The following DNAAF9 variants were observed in gnomAD, a reference collection of about 807,000 sequenced individuals.
DNAAF9 encodes the protein shulin.
In DNAAF9, 90 loss-of-function variants were observed where a neutral mutation model predicts 167.0. The ratio of observed to expected loss-of-function variants is 0.54; its 90% CI spans 0.45 to 0.64. The LOEUF is 0.64. Ranked by LOEUF, DNAAF9 falls within the 30% of genes least tolerant of loss-of-function variation. The pLI is 0.00. For missense variants in DNAAF9, 1,315 were observed against 1,442.2 expected (o/e 0.91, Z 1.43); for synonymous variants, 491 against 508.8 (o/e 0.96, Z 0.47).
At chr20:3,376,926 G>A (rs867132738) in intron 3 of DNAAF9, among the ~76,000 whole-genome samples, 27 of 152,220 alleles carry the variant, frequency 1.8e-4, no homozygotes, top group Admixed American at 7.8e-4. Context: ...AAAATTAGCC[G>A]GGTGTGGTGG....
At chr20:3,318,177 C>G in intron 17 of DNAAF9, 112 bp downstream of exon 17, 3 of 502,584 alleles carry the variant, frequency 6.0e-6, no homozygotes, top group Admixed American at 6.8e-5. Flanking sequence ...ATCATCAGTT[C>G]TAATATTTTT....
At chr20:3,343,796 C>A in intron 8 of DNAAF9, 65 bp from the exon 9 acceptor site, 1 of 1,229,082 alleles carries the variant, frequency 8.1e-7, no homozygotes, top group South Asian at 1.2e-5. Flanking sequence ...TAAAACCCCT[C>A]ACATATGTAT....
Position 3,304,589 on chromosome 20 carries a change from G to A in DNAAF9, c.1679-46C>T, listed in dbSNP as rs747076565. ...GTCAGAGCTGGAGGGCTGGGTGCTG[G>A]GGGTCAGATTCCAATGTCCTCTTGT... On this transcript the variant is annotated intron_variant, in intron 20 of 36. Transcript: ENST00000252032. 7 of 858,374 alleles carry A rather than the reference G, an allele frequency of 8.2e-6. No homozygotes were observed. The South Asian group carries it at 9.6e-5, about 12-fold the overall frequency. 53.2% of individuals were successfully genotyped at this position (858,374 alleles called of 1,614,324 possible). A position where few individuals can be genotyped will look rare whatever the true frequency, so the allele number is the denominator to read the frequency against.
intron 6 of DNAAF9, among the ~76,000 whole-genome samples, chr20:3,370,615 G>A (rs1022834438): frequency 1.3e-5 from 2 of 151,932 alleles, no homozygotes; most frequent in Non-Finnish European, 2.9e-5. Context: ...TCACCATGTT[G>A]GCCAGGACGG....
In DNAAF9 at chr20:3,387,884, T is replaced by TAAAAAAAAA. The variant is rs557861791; in HGVS notation, c.84-5387_84-5379dup. 4.2e-3 allele frequency among the ~76,000 whole-genome samples: 371 copies of TAAAAAAAAA among 87,320 alleles called. 25 individuals carry two copies. Among genetic ancestry groups the TAAAAAAAAA allele is most frequent in the African/African-American group, 0.014 (300 of 20,750 alleles). The allele number at this position is 87,320 out of a possible 152,430, so 57.3% of individuals were successfully genotyped here. A position where few individuals can be genotyped will look rare whatever the true frequency, so the allele number is the denominator to read the frequency against. Reference sequence around the variant, plus strand: ...AGGGAGACCCTGTCTCTACAAAAAGTAAAAAAAAAAAAAAAAAAAAAAAAA... The same window carrying TAAAAAAAAA: ...AGGGAGACCCTGTCTCTACAAAAAGTAAAAAAAAAAAAAAAAAAAAAAAAAAAAAAAAAA... On this transcript the variant is annotated intron_variant, in intron 1 of 36. Coordinates refer to ENST00000252032, the MANE Select transcript of DNAAF9 (RefSeq NM_001009984.3).
chr20:3,290,055 T>C, intron 26 of DNAAF9, 74 bp downstream of exon 26: 1 of 920,940 alleles, frequency 1.1e-6, no homozygotes, highest in Non-Finnish European at 1.8e-6. Context: ...AGTACATGTC[T>C]AAGGTTTTCC....
chr20:3,398,398 T>C (rs1220644389), intron 1 of DNAAF9, among the ~76,000 whole-genome samples: 1 of 152,158 alleles, frequency 6.6e-6, no homozygotes, highest in Non-Finnish European at 1.5e-5. Flanking sequence ...TTAAATCCTT[T>C]GAGTTGGATT....
intron 11 of DNAAF9, among the ~76,000 whole-genome samples, chr20:3,331,250 ATGTTTT>A (rs1156457339): frequency 1.3e-5 from 2 of 152,138 alleles, no homozygotes; most frequent in Non-Finnish European, 2.9e-5. Context: ...AGGTTCTGGA[ATGTTTT>A]TGTTTTTATT....
At chr20:3,310,681 T>C (rs1324867851) in intron 20 of DNAAF9, among the ~76,000 whole-genome samples, 2 of 139,492 alleles carry the variant, frequency 1.4e-5, no homozygotes, top group Non-Finnish European at 3.1e-5. Flanking sequence ...TGAGACTTAG[T>C]CTCAAGAAAA....
intron 10 of DNAAF9, among the ~76,000 whole-genome samples, chr20:3,337,005 A>G (rs2069969483): frequency 6.9e-6 from 1 of 145,548 alleles, no homozygotes; most frequent in African/African-American, 2.6e-5. Flanking sequence ...TCAGCCTCCC[A>G]AGTAGCTGGG....
At chr20:3,327,539 T>TA (rs1273333371) in intron 12 of DNAAF9, among the ~76,000 whole-genome samples, 2 of 152,132 alleles carry the variant, frequency 1.3e-5, no homozygotes, top group South Asian at 2.1e-4. Flanking sequence ...AGGTCTCACC[T>TA]AAAAATGTGT....
chr20:3,388,078 A>AAAAAG (rs1438604404), intron 1 of DNAAF9, among the ~76,000 whole-genome samples: 1 of 151,384 alleles, frequency 6.6e-6, no homozygotes, highest in Non-Finnish European at 1.5e-5. Context: ...AAAAAAAAAA[A>AAAAAG]AAAAGAAAAG....
chr20:3,381,541 G>C lies in DNAAF9; in HGVS notation c.164-43C>G. 6 of 1,575,032 alleles carry C rather than the reference G, an allele frequency of 3.8e-6. No homozygotes were observed. In the East Asian group the frequency reaches 1.1e-4, roughly 30 times the overall value. On this transcript the variant is annotated intron_variant, in intron 2 of 36. Coordinates refer to ENST00000252032, the MANE Select transcript of DNAAF9 (RefSeq NM_001009984.3). ...CTCTGATCAGCTGTACCATACTACA[G>C]GGAGCAAATGAGCCAATAATTTGCC...
At chr20:3,404,103 C>T (rs2084023955) in intron 1 of DNAAF9, among the ~76,000 whole-genome samples, 1 of 152,230 alleles carries the variant, frequency 6.6e-6, no homozygotes, top group Non-Finnish European at 1.5e-5. Flanking sequence ...GATCTTGGCT[C>T]ACTGCAACCT....
At chr20:3,336,632 C>T (rs2123098884) in intron 10 of DNAAF9, among the ~76,000 whole-genome samples, 1 of 152,202 alleles carries the variant, frequency 6.6e-6, no homozygotes. Flanking sequence ...TCACTGCAGC[C>T]TCTGCCACCC....
chr20:3,343,915 T>A (rs563753613), intron 8 of DNAAF9, among the ~76,000 whole-genome samples, 184 bp from the exon 9 acceptor site: 1 of 152,164 alleles, frequency 6.6e-6, no homozygotes, highest in Non-Finnish European at 1.5e-5. Flanking sequence ...GAGAGATGTT[T>A]GTAGATTATT....
Position 3,361,333 on chromosome 20 carries a change from GA to G in DNAAF9, c.613-1741del, listed in dbSNP as rs375320821. ...GAGTGGAGGAGTGTGGGGACAGGATGATGGCTTGGAAGGGGCATCATTTAAG... is the reference window on the plus strand; with the variant it reads ...GAGTGGAGGAGTGTGGGGACAGGATGTGGCTTGGAAGGGGCATCATTTAAG... On this transcript the variant is annotated intron_variant, in intron 6 of 36. Transcript: ENST00000252032. 9.9e-4 allele frequency among the ~76,000 whole-genome samples: 150 copies of G among 152,212 alleles called. 1 individual carries two copies. The highest frequency in any genetic ancestry group is 3.4e-3 in the Middle Eastern group (1 of 294).
intron 14 of DNAAF9, 89 bp from the exon 15 acceptor site, chr20:3,322,785 C>T: frequency 1.1e-6 from 1 of 914,242 alleles, no homozygotes; most frequent in Non-Finnish European, 1.8e-6. Context: ...ATTCTCAAGG[C>T]CACACAGTGA....
intron 17 of DNAAF9, among the ~76,000 whole-genome samples, chr20:3,317,978 G>A (rs575583265): frequency 2.6e-4 from 40 of 151,960 alleles, no homozygotes; most frequent in African/African-American, 8.9e-4. Context: ...TGTTTTCCAC[G>A]TCTGTGAAGT....
Sources: allele counts gnomAD v4.1 joint callset (sites outside exome capture counted in the v4.1 genomes callset), GRCh38; gene constraint gnomAD v4.1.1; transcripts MANE v1.5; gene names NCBI Gene and HGNC (gene_info 2026-07-23, HGNC 2026-07-21).